The following GYG1 variants were observed in gnomAD, a reference collection of about 807,000 sequenced individuals.
GYG1 encodes glycogenin-1.
GYG1 carries 44 observed loss-of-function variants against 41.9 expected under a neutral mutation model. The observed-to-expected ratio is 1.05, with a 90% CI of 0.83 to 1.35. GYG1 has a LOEUF of 1.35. GYG1 is among the 40% of genes most tolerant of loss of function. GYG1 has a pLI of 0.00. For missense variants in GYG1, 429 were observed against 418.9 expected, an observed-to-expected ratio of 1.02 and a Z score of -0.21; for synonymous variants, 141 against 158.1, an observed-to-expected ratio of 0.89 and a Z score of 0.81.
chr3:148,992,374 A>T (rs1712541458), intron 1 of GYG1: 1 of 152,366 alleles, frequency 6.6e-6, no homozygotes, highest in Admixed American at 6.5e-5. Context: ...TTGAACTGCC[A>T]CAAAGATTGC....
chr3:148,991,622 C>A lies in GYG1; in HGVS notation c.-19C>A. 1 of 1,554,668 alleles carries A rather than the reference C, an allele frequency of 6.4e-7. No homozygotes were observed. Among genetic ancestry groups the A allele is most frequent in the African/African-American group, 1.4e-5 (1 of 72,996 alleles). ...ACCAACCTGAGGCTGCCCCGGCCGCCTGCGCACCCGGCAGCACCATGACAG... is the reference window on the plus strand; with the variant it reads ...ACCAACCTGAGGCTGCCCCGGCCGCATGCGCACCCGGCAGCACCATGACAG... On this transcript the variant is annotated 5_prime_UTR_variant, in exon 1 of 8. In the 5' UTR this introduces an upstream ATG that the reference lacks. Coordinates refer to ENST00000345003, the MANE Select transcript of GYG1 (RefSeq NM_004130.4).
intron 6 of GYG1, 27 bp from the exon 7 acceptor site, chr3:149,026,424 CT>C: frequency 6.8e-7 from 1 of 1,470,724 alleles, no homozygotes; most frequent in Non-Finnish European, 9.5e-7. Context: ...GCCCATCCAT[CT>C]TACACTTTCT....
intron 4 of GYG1, 73 bp downstream of exon 4, chr3:148,996,977 T>A: frequency 8.8e-7 from 1 of 1,136,128 alleles, no homozygotes; most frequent in Non-Finnish European, 1.3e-6. Context: ...CTCAGGAATA[T>A]AATTGCTGTG....
intron 2 of GYG1, among the ~76,000 whole-genome samples, chr3:148,995,325 C>G (rs763108573): frequency 5.9e-5 from 9 of 152,208 alleles, no homozygotes; most frequent in Non-Finnish European, 1.3e-4. Context: ...TTTTTCTGGT[C>G]TCCTGGCCCT....
chr3:149,018,188 G>A (rs549816400), intron 5 of GYG1, among the ~76,000 whole-genome samples: 5 of 152,222 alleles, frequency 3.3e-5, no homozygotes, highest in East Asian at 3.9e-4. Context: ...CTCAGAGAAC[G>A]TAATTGAGAC....
rs1043845160 is a variant in GYG1 at position 149,030,900 on chromosome 3, C to CAACATT, written c.*3968_*3973dup. 1 of 152,178 alleles carries CAACATT rather than the reference C, an allele frequency of 6.6e-6. No individual in the cohort carries two copies. Among genetic ancestry groups the CAACATT allele is most frequent in the Non-Finnish European group, 1.5e-5 (1 of 68,036 alleles). The allele number at this position is 152,178 out of a possible 1,614,324, so 9.4% of individuals were successfully genotyped here. A position where few individuals can be genotyped will look rare whatever the true frequency, so the allele number is the denominator to read the frequency against. On this transcript the variant is annotated 3_prime_UTR_variant, in exon 8 of 8. Coordinates refer to ENST00000345003, the MANE Select transcript of GYG1 (RefSeq NM_004130.4). ...TACCTTCAATGTGTGCCCTATAACACAACATTGTCTCCGATCTCATCTTTC... is the reference window on the plus strand; with the variant it reads ...TACCTTCAATGTGTGCCCTATAACACAACATTAACATTGTCTCCGATCTCATCTTTC...
intron 5 of GYG1, among the ~76,000 whole-genome samples, chr3:149,019,386 G>C (rs1274497896): frequency 3.9e-5 from 6 of 152,118 alleles, no homozygotes; most frequent in Admixed American, 1.3e-4. Flanking sequence ...TCACTGTGCA[G>C]TACTGCCCTC....
intron 3 of GYG1, 95 bp downstream of exon 3, chr3:148,996,571 TA>T (rs1712804241): frequency 1.6e-6 from 2 of 1,275,704 alleles, no homozygotes; most frequent in African/African-American, 2.9e-5. Context: ...GACTTGACGG[TA>T]AAGTTCAGAT....
intron 5 of GYG1, 77 bp downstream of exon 5, chr3:149,009,479 A>G (rs1227301738): frequency 7.3e-7 from 1 of 1,362,576 alleles, no homozygotes; most frequent in African/African-American, 1.4e-5. Flanking sequence ...GGGCTGCTTC[A>G]TTGTCATTCC....
intron 4 of GYG1, 166 bp from the exon 5 acceptor site, chr3:149,009,110 G>C (rs1054867021): frequency 4.2e-5 from 24 of 570,018 alleles, no homozygotes; most frequent in Middle Eastern, 4.8e-4. Flanking sequence ...AGTGAGCTGA[G>C]ATCGTGCCAC....
intron 5 of GYG1, among the ~76,000 whole-genome samples, chr3:149,015,485 A>G (rs1050056246): frequency 6.6e-6 from 1 of 152,206 alleles, no homozygotes; most frequent in Non-Finnish European, 1.5e-5. Context: ...AACTCAGGGA[A>G]GTGTGGTATT....
At chr3:149,019,209 C>A (rs563226874) in intron 5 of GYG1, among the ~76,000 whole-genome samples, 13 of 152,258 alleles carry the variant, frequency 8.5e-5, no homozygotes, top group African/African-American at 3.1e-4. Flanking sequence ...GCCCCAGAAT[C>A]TTTCTTACCT....
chr3:149,015,710 G>T (rs1183777069), intron 5 of GYG1, among the ~76,000 whole-genome samples: 1 of 152,160 alleles, frequency 6.6e-6, no homozygotes, highest in Admixed American at 6.5e-5. Context: ...GAGGAGAATT[G>T]GAGGCAGTGA....
In GYG1 at chr3:149,003,537, A is replaced by G. The variant is rs545399166; in HGVS notation, c.482-5739A>G. Among the ~76,000 whole-genome samples, 6 of 152,324 alleles carry G rather than the reference A, an allele frequency of 3.9e-5. No individual in the cohort carries two copies. The East Asian group carries it at 7.7e-4, about 20-fold the overall frequency. ...ATTTATAAAATGTTAGACATTTTTTATAGAAATGATATTTTTAAAAGTTAT... is the reference window on the plus strand; with the variant it reads ...ATTTATAAAATGTTAGACATTTTTTGTAGAAATGATATTTTTAAAAGTTAT... On this transcript the variant is annotated intron_variant, in intron 4 of 7. Transcript: ENST00000345003.
chr3:149,020,754 G>A (rs1714325152), intron 5 of GYG1, among the ~76,000 whole-genome samples: 1 of 152,110 alleles, frequency 6.6e-6, no homozygotes, highest in African/African-American at 2.4e-5. Flanking sequence ...TTTATATTAA[G>A]TCTAGGCAAA....
Position 149,026,836 on chromosome 3 carries a change from A to G in GYG1, c.956A>G (p.Glu319Gly). ...ATGGCACAGCCGTTTGTATCCTCGG[A>G]AGAACGGAAGGAACGATGGGAACAG... Reference protein sequence around the residue: ...PAMAQPFVSSEERKERWEQGQ... With the variant: ...PAMAQPFVSSGERKERWEQGQ... Residue 319 changes from glutamate to glycine, a missense_variant, in exon 8 of 8, where the codon GAA becomes GGA. By Grantham distance (98) the Glu-to-Gly change is moderately conservative. Coordinates refer to ENST00000345003, the MANE Select transcript of GYG1 (RefSeq NM_004130.4). 6.2e-7 allele frequency: 1 copy of G among 1,613,998 alleles called. No individual in the cohort carries two copies. The highest frequency in any genetic ancestry group is 8.5e-7 in the Non-Finnish European group (1 of 1,179,900).
chr3:149,009,692 C>G (rs934828951), intron 5 of GYG1, among the ~76,000 whole-genome samples: 3 of 152,200 alleles, frequency 2.0e-5, no homozygotes, highest in African/African-American at 7.2e-5. Flanking sequence ...AACACAGACT[C>G]TTAAGCTCTG....
At chr3:149,012,352 A>C (rs1322036817) in intron 5 of GYG1, among the ~76,000 whole-genome samples, 1 of 152,170 alleles carries the variant, frequency 6.6e-6, no homozygotes, top group Admixed American at 6.5e-5. Flanking sequence ...GGGTGGTGGC[A>C]GGTGGAATTA....
At chr3:148,995,238 TA>T (rs2107885729) in intron 2 of GYG1, among the ~76,000 whole-genome samples, 1 of 152,236 alleles carries the variant, frequency 6.6e-6, no homozygotes, top group South Asian at 2.1e-4. Context: ...AAAATCGAAG[TA>T]TCTGAATGAG....
Sources: allele counts gnomAD v4.1 joint callset (sites outside exome capture counted in the v4.1 genomes callset), GRCh38; gene constraint gnomAD v4.1.1; transcripts MANE v1.5; gene names NCBI Gene and HGNC (gene_info 2026-07-23, HGNC 2026-07-21).